MOK: variants seen among roughly 807,000 people sequenced by gnomAD.
MOK encodes the protein MAPK/MAK/MRK overlapping kinase.
In MOK, 59 loss-of-function variants were observed where a neutral mutation model predicts 54.2. The ratio of observed to expected loss-of-function variants is 1.09; its 90% CI spans 0.88 to 1.35. The LOEUF (loss-of-function observed/expected upper bound fraction) is 1.35, where lower values mean the gene tolerates loss of function less well. MOK is among the 40% of genes most tolerant of loss of function. MOK has a pLI of 0.00. For missense variants in MOK, 517 were observed against 526.2 expected (o/e 0.98, Z 0.17); for synonymous variants, 210 against 202.7 (o/e 1.04, Z -0.31).
Position 102,251,955 on chromosome 14 carries a change from A to G in MOK, c.324T>C (p.Tyr108=). 1 of 1,607,322 alleles carries G rather than the reference A, an allele frequency of 6.2e-7. No homozygotes were observed. The highest frequency in any genetic ancestry group is 2.2e-5 in the East Asian group (1 of 44,772). ...CCAGGGACTTACATAACTGGTACAT[A>G]TAGTGCATAATTTTTTTTTCTGATA... ...YPLSEKKIMH[Y]MYQLCKSLDH... Residue 108 remains tyrosine, a synonymous_variant, in exon 5 of 12, where the codon TAT becomes TAC. Transcript: ENST00000361847.
intron 2 of MOK, chr14:102,278,816 T>C (rs2069128736): frequency 2.4e-6 from 1 of 411,766 alleles, no homozygotes; most frequent in Non-Finnish European, 5.0e-6. Flanking sequence ...GCGGTAATCT[T>C]ACTATTATTA....
intron 4 of MOK, among the ~76,000 whole-genome samples, chr14:102,260,038 T>C (rs2067257956): frequency 6.6e-6 from 1 of 151,862 alleles, no homozygotes; most frequent in South Asian, 2.1e-4. Flanking sequence ...TTAGCTGGGG[T>C]GGTGGCGCAT....
intron 2 of MOK, among the ~76,000 whole-genome samples, chr14:102,270,196 A>C (rs2068239320): frequency 1.3e-5 from 2 of 152,266 alleles, no homozygotes; most frequent in African/African-American, 4.8e-5. Context: ...AAAACATTTC[A>C]AACCAAATAA....
intron 1 of MOK, among the ~76,000 whole-genome samples, chr14:102,288,735 G>A (rs77471118): frequency 2.0e-5 from 3 of 152,180 alleles, no homozygotes; most frequent in Non-Finnish European, 4.4e-5. Context: ...AGACAACTCT[G>A]TGGTGTTGGA....
chr14:102,288,231 G>A (rs1305499642), intron 1 of MOK, among the ~76,000 whole-genome samples: 1 of 152,200 alleles, frequency 6.6e-6, no homozygotes, highest in Non-Finnish European at 1.5e-5. Flanking sequence ...AAACCTGTAA[G>A]TGAATGTTCA....
At chr14:102,275,912 T>G (rs558258345) in intron 2 of MOK, among the ~76,000 whole-genome samples, 2 of 152,212 alleles carry the variant, frequency 1.3e-5, no homozygotes, top group Non-Finnish European at 2.9e-5. Flanking sequence ...TTTAAAATTA[T>G]TTTTTCTTTT....
At chr14:102,274,183 T>A (rs1255450135) in intron 2 of MOK, among the ~76,000 whole-genome samples, 1 of 151,736 alleles carries the variant, frequency 6.6e-6, no homozygotes, top group Non-Finnish European at 1.5e-5. Context: ...GGTCTTGACC[T>A]CCTGACCTCA....
chr14:102,220,553 T>C (rs2063764186), downstream of MOK, among the ~76,000 whole-genome samples: 1 of 152,014 alleles, frequency 6.6e-6, no homozygotes, highest in African/African-American at 2.4e-5. This position sits in a 1 kb window ranked among gnomAD's most constrained non-coding sequence, Gnocchi z 4.2. Context: ...ACCCCATCTC[T>C]ACTAAAACTA....
chr14:102,266,461 T>C (rs992274647), intron 2 of MOK, among the ~76,000 whole-genome samples: 1 of 152,032 alleles, frequency 6.6e-6, no homozygotes, highest in Non-Finnish European at 1.5e-5. Context: ...CATCCCACTA[T>C]GCCCTCTCAA....
At chr14:102,266,686 G>A (rs1296783943) in intron 2 of MOK, among the ~76,000 whole-genome samples, 1 of 152,050 alleles carries the variant, frequency 6.6e-6, no homozygotes, top group East Asian at 1.9e-4. Flanking sequence ...GGGTTCAAGC[G>A]ATTCTCCTGC....
chr14:102,224,553 A>G (rs541558066), downstream of MOK: 160 of 455,970 alleles, frequency 3.5e-4, no homozygotes, highest in Non-Finnish European at 5.8e-4. Context: ...TCTGAAACCT[A>G]TTTCTCTAAT....
intron 2 of MOK, among the ~76,000 whole-genome samples, chr14:102,268,684 G>A (rs911072052): frequency 3.3e-5 from 5 of 152,166 alleles, no homozygotes; most frequent in Non-Finnish European, 5.9e-5. Flanking sequence ...GGGAGGCCGA[G>A]GCGGGTGGAT....
intron 1 of MOK, among the ~76,000 whole-genome samples, chr14:102,284,603 A>C (rs189009424): frequency 2.2e-4 from 34 of 152,318 alleles, no homozygotes; most frequent in African/African-American, 7.7e-4. Context: ...TAGGAGAGTA[A>C]GACTGCAACA....
chr14:102,254,955 G>A (rs1366347675), intron 4 of MOK, among the ~76,000 whole-genome samples: 1 of 152,168 alleles, frequency 6.6e-6, no homozygotes, highest in African/African-American at 2.4e-5. Context: ...TGTCATTAGA[G>A]TCATCTGAAC....
At chr14:102,256,658 C>A (rs1362904057) in intron 4 of MOK, among the ~76,000 whole-genome samples, 1 of 151,888 alleles carries the variant, frequency 6.6e-6, no homozygotes, top group South Asian at 2.1e-4. Context: ...GCCTTGGCCT[C>A]CCAAAGTGTT....
chr14:102,290,435 A>G (rs958843639), intron 1 of MOK, among the ~76,000 whole-genome samples: 2 of 152,014 alleles, frequency 1.3e-5, no homozygotes, highest in Non-Finnish European at 1.5e-5. Context: ...AGCAAAACTC[A>G]GTCTCAAAAA....
chr14:102,281,659 G>GT (rs1165128181), intron 2 of MOK, among the ~76,000 whole-genome samples: 3 of 151,670 alleles, frequency 2.0e-5, no homozygotes, highest in African/African-American at 7.3e-5. Context: ...TGCCCAGGCT[G>GT]ATCTTGAACT....
chr14:102,271,559 A>G (rs528631136), intron 2 of MOK, among the ~76,000 whole-genome samples: 1 of 152,172 alleles, frequency 6.6e-6, no homozygotes, highest in African/African-American at 2.4e-5. Flanking sequence ...CCAAAACCTA[A>G]CAAAAACTTT....
chr14:102,243,874 A>G (rs1387196381), intron 7 of MOK, among the ~76,000 whole-genome samples: 1 of 152,168 alleles, frequency 6.6e-6, no homozygotes, highest in African/African-American at 2.4e-5. Flanking sequence ...ATGCTATAGT[A>G]TCTTCCACAT....
Sources: allele counts gnomAD v4.1 joint callset (sites outside exome capture counted in the v4.1 genomes callset), GRCh38; gene constraint gnomAD v4.1.1; non-coding constraint Gnocchi (gnomAD v3.1); transcripts MANE v1.5; gene names NCBI Gene and HGNC (gene_info 2026-07-23, HGNC 2026-07-21).